The following GRID2 variants were observed in gnomAD, a reference collection of about 807,000 sequenced individuals.
The protein encoded by GRID2 is glutamate receptor ionotropic, delta-2.
Under a neutral mutation model 114.8 loss-of-function variants are expected in GRID2, and 33 were observed. The observed-to-expected ratio is 0.29, with a 90% CI of 0.22 to 0.38. GRID2 has a LOEUF of 0.38. GRID2 is among the 10% of genes least tolerant of loss of function. The pLI is 1.00. For synonymous variants in GRID2, 505 were observed against 449.9 expected, an observed-to-expected ratio of 1.12 and a Z score of -1.55; for missense variants, 1,184 against 1,257.7, an observed-to-expected ratio of 0.94 and a Z score of 0.89.
At chr4:92,401,613 A>G (rs1730793988) in intron 1 of GRID2, among the ~76,000 whole-genome samples, 1 of 152,226 alleles carries the variant, frequency 6.6e-6, no homozygotes, top group African/African-American at 2.4e-5. Context: ...TGTCTACAAT[A>G]TACTGTAGTA....
At chr4:93,158,273 G>A (rs368487753) in intron 4 of GRID2, among the ~76,000 whole-genome samples, 4 of 151,794 alleles carry the variant, frequency 2.6e-5, no homozygotes, top group South Asian at 2.1e-4. Context: ...AGCTGAAGCA[G>A]CGAATACTCT....
chr4:92,613,110 T>A (rs983105857), intron 2 of GRID2, among the ~76,000 whole-genome samples: 6 of 151,404 alleles, frequency 4.0e-5, no homozygotes, highest in Non-Finnish European at 8.9e-5. Flanking sequence ...TACTCATAGT[T>A]TGTTGAGGGT....
rs369338960 is a variant in GRID2 at position 93,289,011 on chromosome 4, A to G, written c.1245+50521A>G. Among the ~76,000 whole-genome samples, 5 of 152,352 alleles carry G rather than the reference A, an allele frequency of 3.3e-5. No individual in the cohort carries two copies. In the East Asian group the frequency reaches 5.8e-4, roughly 18 times the overall value. Reference sequence around the variant, plus strand: ...TTTGTTTTATTAAGTGTGAAACAACATGCCTTATTTTGCCAAAAGGCTGTA... The same window carrying G: ...TTTGTTTTATTAAGTGTGAAACAACGTGCCTTATTTTGCCAAAAGGCTGTA... On this transcript the variant is annotated intron_variant, in intron 8 of 15. Coordinates refer to ENST00000282020, the MANE Select transcript of GRID2 (RefSeq NM_001510.4).
chr4:92,421,072 T>C (rs1038292588), intron 1 of GRID2, among the ~76,000 whole-genome samples: 2 of 152,122 alleles, frequency 1.3e-5, no homozygotes, highest in African/African-American at 4.8e-5. Flanking sequence ...TTTGTTTTTT[T>C]CAGTTCCATC....
rs1750985918 is a variant in GRID2 at position 92,940,057 on chromosome 4, T to G, written c.245-144938T>G. Among the ~76,000 whole-genome samples the G allele has an allele frequency of 1.4e-5, 2 of 147,152 alleles. 1 individual carries two copies. Among genetic ancestry groups the G allele is most frequent in the Non-Finnish European group, 3.0e-5 (2 of 66,536 alleles). ...TTGACTTGGCGATGCAGGCTCTTTT[T>G]TGGTTCCATATGAAATTTAAAGTAG... is the stretch of plus-strand genomic sequence containing the variant. On this transcript the variant is annotated intron_variant, in intron 2 of 15. Coordinates refer to ENST00000282020, the MANE Select transcript of GRID2 (RefSeq NM_001510.4).
chr4:93,713,588 C>CA (rs528037204), intron 14 of GRID2, among the ~76,000 whole-genome samples: 5,203 of 142,330 alleles, frequency 0.037, 104 homozygotes, highest in African/African-American at 0.045. Context: ...AGGTACATTA[C>CA]AAAAAAAAAA....
chr4:92,694,751 T>A (rs1376149001), intron 2 of GRID2, among the ~76,000 whole-genome samples: 1 of 152,166 alleles, frequency 6.6e-6, no homozygotes, highest in African/African-American at 2.4e-5. Context: ...GTGAAACTTG[T>A]GCATATCTTA....
chr4:93,137,357 C>G (rs1364182697), intron 4 of GRID2, among the ~76,000 whole-genome samples: 1 of 152,050 alleles, frequency 6.6e-6, no homozygotes, highest in African/African-American at 2.4e-5. Context: ...CAGGATGATG[C>G]CTTGCCCTTG....
At chr4:92,862,260 C>A (rs190262849) in intron 2 of GRID2, among the ~76,000 whole-genome samples, 9 of 151,938 alleles carry the variant, frequency 5.9e-5, no homozygotes, top group African/African-American at 1.7e-4. Context: ...TATTTTGCTA[C>A]CCCCAAATCA....
chr4:92,519,122 A>G (rs1336543764), intron 1 of GRID2, among the ~76,000 whole-genome samples: 6 of 151,870 alleles, frequency 4.0e-5, no homozygotes, highest in Non-Finnish European at 7.4e-5. Flanking sequence ...ATCAAATTTA[A>G]CCTTTATTTA....
intron 2 of GRID2, among the ~76,000 whole-genome samples, chr4:92,961,226 A>G (rs536322526): frequency 6.1e-4 from 92 of 152,038 alleles, no homozygotes; most frequent in African/African-American, 2.1e-3. Context: ...ATAAATTAAG[A>G]AAAAGGTATT....
chr4:92,635,386 T>C (rs1192410269), intron 2 of GRID2, among the ~76,000 whole-genome samples: 1 of 152,160 alleles, frequency 6.6e-6, no homozygotes, highest in Non-Finnish European at 1.5e-5. Context: ...TCTTCTCTTC[T>C]GAGGTTATAT....
intron 2 of GRID2, among the ~76,000 whole-genome samples, chr4:92,815,569 G>A (rs1016905432): frequency 2.0e-5 from 3 of 151,920 alleles, no homozygotes; most frequent in Non-Finnish European, 4.4e-5. Flanking sequence ...ATAAAATATT[G>A]TACTAACACA....
intron 2 of GRID2, among the ~76,000 whole-genome samples, chr4:92,815,738 C>T (rs1197895697): frequency 6.6e-6 from 1 of 150,862 alleles, no homozygotes; most frequent in African/African-American, 2.4e-5. Context: ...CATGATGATA[C>T]TTCATCTCTA....
intron 2 of GRID2, among the ~76,000 whole-genome samples, chr4:92,624,851 G>A (rs1029279508): frequency 6.6e-6 from 1 of 151,680 alleles, no homozygotes; most frequent in Non-Finnish European, 1.5e-5. Flanking sequence ...AATTTGAAGA[G>A]TATAAATACA....
At chr4:93,146,511 T>G (rs1246213739) in intron 4 of GRID2, among the ~76,000 whole-genome samples, 3 of 150,486 alleles carry the variant, frequency 2.0e-5, no homozygotes, top group African/African-American at 7.3e-5. Context: ...TACGTTCAAA[T>G]TCAATGGACC....
chr4:92,336,236 A>G (rs1181812110), intron 1 of GRID2, among the ~76,000 whole-genome samples: 13 of 151,914 alleles, frequency 8.6e-5, no homozygotes, highest in Admixed American at 8.5e-4. Context: ...TCCTTTTCTA[A>G]CCCCTTTTTC....
intron 8 of GRID2, among the ~76,000 whole-genome samples, chr4:93,379,641 T>C (rs1243076860): frequency 6.6e-6 from 1 of 152,126 alleles, no homozygotes; most frequent in African/African-American, 2.4e-5. Flanking sequence ...GAATGACTTA[T>C]GAATGGTCGA....
intron 2 of GRID2, among the ~76,000 whole-genome samples, chr4:92,974,132 A>G (rs942001197): frequency 2.6e-5 from 4 of 152,230 alleles, no homozygotes; most frequent in South Asian, 2.1e-4. Context: ...CAAAACCACA[A>G]TAAGATACCA....
Sources: allele counts gnomAD v4.1 joint callset (sites outside exome capture counted in the v4.1 genomes callset), GRCh38; gene constraint gnomAD v4.1.1; transcripts MANE v1.5; gene names NCBI Gene and HGNC (gene_info 2026-07-23, HGNC 2026-07-21).